Variants in GRIN2A observed in about 807,000 individuals in gnomAD.
The protein encoded by GRIN2A is glutamate receptor ionotropic, NMDA 2A.
GRIN2A carries 22 observed loss-of-function variants against 113.4 expected under a neutral mutation model. The ratio of observed to expected loss-of-function variants is 0.19; its 90% CI spans 0.14 to 0.28. The LOEUF (loss-of-function observed/expected upper bound fraction) is 0.28, where lower values mean the gene tolerates loss of function less well. GRIN2A is among the 10% of genes least tolerant of loss of function. The pLI is 1.00. For synonymous variants in GRIN2A, 827 were observed against 738.4 expected (o/e 1.12, Z -1.94); for missense variants, 1,502 against 1,887.0 (o/e 0.80, Z 3.78).
At chr16:9,952,534 T>C (rs2045208739) in intron 2 of GRIN2A, among the ~76,000 whole-genome samples, 1 of 152,128 alleles carries the variant, frequency 6.6e-6, no homozygotes, top group African/African-American at 2.4e-5. Flanking sequence ...GGTCCATGCC[T>C]CTCTGGCTCA....
chr16:10,055,047 C>A (rs540587764), intron 2 of GRIN2A, among the ~76,000 whole-genome samples: 2,172 of 10,410 alleles, frequency 0.21, 52 homozygotes, highest in Middle Eastern at 0.38. Context: ...GACTCTATCT[C>A]AAAAAAAAAA....
intron 3 of GRIN2A, among the ~76,000 whole-genome samples, chr16:9,926,862 GA>G (rs2044476284): frequency 6.6e-6 from 1 of 151,728 alleles, no homozygotes; most frequent in East Asian, 1.9e-4. Flanking sequence ...TAATTTTTGT[GA>G]AATCTGATGA....
chr16:9,821,745 A>G lies in GRIN2A; in HGVS notation c.2168+519T>C, dbSNP rs149031876. Among the ~76,000 whole-genome samples the G allele has an allele frequency of 1.2e-3, 183 of 152,302 alleles. 1 individual carries two copies. Among genetic ancestry groups the G allele is most frequent in the African/African-American group, 4.1e-3 (170 of 41,580 alleles). On this transcript the variant is annotated intron_variant, in intron 10 of 12. Coordinates refer to ENST00000330684, the MANE Select transcript of GRIN2A (RefSeq NM_001134407.3). ...TATGGAGTCTGTGTTACACTCCACA[A>G]TGCCAACAGACAGAGAGGAATGCTA...
chr16:10,039,616 C>A (rs1388067361), intron 2 of GRIN2A, among the ~76,000 whole-genome samples: 1 of 151,544 alleles, frequency 6.6e-6, no homozygotes, highest in Non-Finnish European at 1.5e-5. Context: ...TGGCGTTGGG[C>A]GCGGGGAGGG....
intron 2 of GRIN2A, among the ~76,000 whole-genome samples, chr16:10,126,167 A>T (rs1463135): frequency 0.16 from 15,616 of 100,064 alleles, 831 homozygotes; most frequent in Admixed American, 0.21. Context: ...TTATATATAT[A>T]TATATTTTTT....
At chr16:9,955,793 C>T (rs1479731871) in intron 2 of GRIN2A, among the ~76,000 whole-genome samples, 2 of 152,188 alleles carry the variant, frequency 1.3e-5, no homozygotes, top group Non-Finnish European at 2.9e-5. Context: ...TGCCTAAGTG[C>T]ATCAAGGCGA....
At chr16:9,869,863 GGTATTTA>G (rs1567359463) in intron 4 of GRIN2A, among the ~76,000 whole-genome samples, 1 of 152,210 alleles carries the variant, frequency 6.6e-6, no homozygotes, top group African/African-American at 2.4e-5. Context: ...GCCCACAGAA[GGTATTTA>G]GTCAAGGTTC....
intron 2 of GRIN2A, among the ~76,000 whole-genome samples, chr16:9,996,951 T>C (rs942505136): frequency 3.3e-5 from 5 of 152,220 alleles, no homozygotes; most frequent in African/African-American, 9.6e-5. Flanking sequence ...CTAATTGCTA[T>C]GACATTTCAA....
At chr16:9,837,500 T>C (rs1302682546) in intron 7 of GRIN2A, among the ~76,000 whole-genome samples, 1 of 152,188 alleles carries the variant, frequency 6.6e-6, no homozygotes, top group Non-Finnish European at 1.5e-5. Flanking sequence ...TATTTTTTTC[T>C]CTCTGATTGA....
At chr16:9,847,587 T>A (rs2042795347) in intron 5 of GRIN2A, among the ~76,000 whole-genome samples, 1 of 151,382 alleles carries the variant, frequency 6.6e-6, no homozygotes, top group African/African-American at 2.4e-5. Context: ...ATTAATGTTT[T>A]ATATATTTTT....
At chr16:9,827,430 A>T (rs1309163613) in intron 9 of GRIN2A, among the ~76,000 whole-genome samples, 1 of 152,164 alleles carries the variant, frequency 6.6e-6, no homozygotes, top group East Asian at 1.9e-4. Flanking sequence ...GAAAGACTGG[A>T]GAAGGGGGAG....
chr16:9,769,467 T>TTA (rs1901129235), intron 11 of GRIN2A, among the ~76,000 whole-genome samples: 1 of 137,272 alleles, frequency 7.3e-6, no homozygotes, highest in African/African-American at 2.7e-5. Context: ...TTTTTTTTTT[T>TTA]TTTTGGTCAT....
intron 2 of GRIN2A, among the ~76,000 whole-genome samples, chr16:10,102,090 T>C (rs1478191808): frequency 6.6e-6 from 1 of 152,188 alleles, no homozygotes; most frequent in Non-Finnish European, 1.5e-5. Flanking sequence ...TAGACATTGG[T>C]GCTATTTTCA....
intron 2 of GRIN2A, among the ~76,000 whole-genome samples, chr16:10,151,622 T>C (rs1021484893): frequency 6.6e-6 from 1 of 152,230 alleles, no homozygotes; most frequent in African/African-American, 2.4e-5. Context: ...AATTTTTGCA[T>C]CCTTCAAATC....
intron 2 of GRIN2A, among the ~76,000 whole-genome samples, chr16:10,132,068 G>A (rs866130892): frequency 2.6e-5 from 4 of 151,920 alleles, no homozygotes; most frequent in East Asian, 1.9e-4. Flanking sequence ...TTGGTGGCTC[G>A]CGCCTGTAAT....
At position 9,970,635 on chromosome 16, in the gene GRIN2A, T is replaced by A. The variant is rs930398333; in HGVS notation, c.415-32084A>T. ...GCTCTGCCTTAACTGACTGTGAATT[T>A]AAAAAAAATCATTTTGGTTCAAGAA... On this transcript the variant is annotated intron_variant, in intron 2 of 12. Transcript: ENST00000330684. The A allele has an allele frequency of 4.3e-5, 12 of 276,132 alleles. No individual in the cohort carries two copies. The East Asian group carries it at 7.0e-4, about 16-fold the overall frequency. The allele number at this position is 276,132 out of a possible 1,614,324, so 17.1% of individuals were successfully genotyped here. A position where few individuals can be genotyped will look rare whatever the true frequency, so the allele number is the denominator to read the frequency against.
At position 9,895,152 on chromosome 16, in the gene GRIN2A, A is replaced by T. The variant is rs561670153; in HGVS notation, c.1008-4052T>A. On this transcript the variant is annotated intron_variant, in intron 3 of 12. Transcript: ENST00000330684. ...CAAAATAACTATAACGAAGAACAAT[A>T]AGTGTAAAAATAGAGATATGGACTA... Among the ~76,000 whole-genome samples, 169 of 152,340 alleles carry T rather than the reference A, an allele frequency of 1.1e-3. 1 individual carries two copies. The highest frequency in any genetic ancestry group is 0.01 in the Middle Eastern group (3 of 294).
chr16:9,978,351 C>A (rs1247191681), intron 2 of GRIN2A, among the ~76,000 whole-genome samples: 1 of 152,180 alleles, frequency 6.6e-6, no homozygotes, highest in African/African-American at 2.4e-5. Context: ...ACCTTGCTTA[C>A]CCTCAGTTTG....
chr16:9,899,375 G>C (rs1298397358), intron 3 of GRIN2A, among the ~76,000 whole-genome samples: 4 of 147,174 alleles, frequency 2.7e-5, no homozygotes, highest in African/African-American at 1.0e-4. Flanking sequence ...AGGAGGTGGA[G>C]GTTGTGGTGA....
Sources: allele counts gnomAD v4.1 joint callset (sites outside exome capture counted in the v4.1 genomes callset), GRCh38; gene constraint gnomAD v4.1.1; transcripts MANE v1.5; gene names NCBI Gene and HGNC (gene_info 2026-07-23, HGNC 2026-07-21).